Variants in CTNNB1 observed in about 807,000 individuals in gnomAD.
The protein encoded by CTNNB1 is catenin beta-1.
A neutral mutation model predicts 82.5 loss-of-function variants in CTNNB1; 6 were observed. That is an observed-to-expected ratio of 0.07 (90% CI 0.04 to 0.14). CTNNB1 has a LOEUF of 0.14. CTNNB1 is among the 10% of genes least tolerant of loss of function. CTNNB1 has a pLI of 1.00. For synonymous variants in CTNNB1, 312 were observed against 329.7 expected (o/e 0.95, Z 0.58); for missense variants, 529 against 980.4 (o/e 0.54, Z 6.15).
chr3:41,202,140 A>G (rs769787349), intron 1 of CTNNB1, among the ~76,000 whole-genome samples: 1 of 152,250 alleles, frequency 6.6e-6, no homozygotes. Context: ...AATCTCCTGC[A>G]ATAGACTATA....
chr3:41,217,813 G>A (rs559319886), intron 1 of CTNNB1, among the ~76,000 whole-genome samples: 1 of 152,072 alleles, frequency 6.6e-6, no homozygotes, highest in African/African-American at 2.4e-5. Context: ...CCTTTGAAAT[G>A]TTATTTCTTG....
At chr3:41,208,433 C>T (rs564073489) in intron 1 of CTNNB1, among the ~76,000 whole-genome samples, 1 of 152,072 alleles carries the variant, frequency 6.6e-6, no homozygotes, top group Non-Finnish European at 1.5e-5. Flanking sequence ...AATATTTTGT[C>T]TTTTATCTGT....
chr3:41,238,228 G>GTATC, intron 14 of CTNNB1, 152 bp downstream of exon 14: 1 of 714,258 alleles, frequency 1.4e-6, no homozygotes, highest in Non-Finnish European at 2.5e-6. Flanking sequence ...GTCAGCAACA[G>GTATC]TATCTTTAAT....
At position 41,239,986 on chromosome 3, in the gene CTNNB1, C is replaced by CTTTT. The variant is rs1207330730; in HGVS notation, c.*666_*669dup. 0.013 allele frequency: 426 copies of CTTTT among 32,508 alleles called. 17 individuals are homozygous for CTTTT. Among genetic ancestry groups the CTTTT allele is most frequent in the South Asian group, 0.019 (7 of 362 alleles). The allele number at this position is 32,508 out of a possible 1,614,324, so 2.0% of individuals were successfully genotyped here. A position where few individuals can be genotyped will look rare whatever the true frequency, so the allele number is the denominator to read the frequency against. On this transcript the variant is annotated 3_prime_UTR_variant, in exon 15 of 15. Transcript: ENST00000349496. ...TGACTTTGCTTGCTTTGAAGTAGCT[C>CTTTT]TTTTTTTTTTTTTTTTTTTTTTTTT...
intron 1 of CTNNB1, chr3:41,200,363 A>G (rs1434347107): frequency 6.6e-6 from 1 of 152,102 alleles, no homozygotes; most frequent in Non-Finnish European, 1.5e-5. Context: ...TTGCACCTGT[A>G]TTTTAGCGTA....
chr3:41,230,153 G>A (rs983904754), intron 7 of CTNNB1, among the ~76,000 whole-genome samples: 1 of 152,174 alleles, frequency 6.6e-6, no homozygotes, highest in Admixed American at 6.5e-5. Context: ...GATTGCTCCA[G>A]GTAACTACTG....
chr3:41,231,283 C>T (rs563751184), intron 7 of CTNNB1, among the ~76,000 whole-genome samples: 5 of 150,830 alleles, frequency 3.3e-5, no homozygotes, highest in African/African-American at 9.8e-5. Flanking sequence ...GCTGAGATAG[C>T]GCCACTGCAC....
intron 1 of CTNNB1, among the ~76,000 whole-genome samples, chr3:41,211,528 T>C (rs2077785787): frequency 6.6e-6 from 1 of 152,204 alleles, no homozygotes; most frequent in Non-Finnish European, 1.5e-5. Flanking sequence ...GTTCTAACAT[T>C]ACTCCTCCTT....
At position 41,225,083 on chromosome 3, in the gene CTNNB1, G is replaced by A. The variant is rs755204384; in HGVS notation, c.371G>A (p.Arg124His). 3.7e-6 allele frequency: 6 copies of A among 1,614,066 alleles called. No homozygotes were observed. The highest frequency in any genetic ancestry group is 5.1e-6 in the Non-Finnish European group (6 of 1,179,986). ...GCTGCTCATCCCACTAATGTCCAGC[G>A]TTTGGCTGAACCATCACAGATGCTG... ...FDAAHPTNVQ[R>H]LAEPSQMLKH... The change falls in exon 4 of 15, where the codon CGT becomes CAT. Residue 124 changes from arginine to histidine, a missense_variant. By Grantham distance (29) the Arg-to-His change is conservative. This residue lies in a region of CTNNB1 where 411 missense variants were observed against 776.4 expected (regional missense o/e 0.53). Coordinates refer to ENST00000349496, the MANE Select transcript of CTNNB1 (RefSeq NM_001904.4). The surrounding 1 kb of genome is among the most constrained non-coding windows in gnomAD (Gnocchi z 5.3).
chr3:41,230,250 C>T (rs1376236909), intron 7 of CTNNB1, among the ~76,000 whole-genome samples: 1 of 152,082 alleles, frequency 6.6e-6, no homozygotes, highest in Non-Finnish European at 1.5e-5. Flanking sequence ...GTCAGCTGTT[C>T]CAGCAGTAAC....
intron 1 of CTNNB1, among the ~76,000 whole-genome samples, chr3:41,212,402 T>C (rs530844868): frequency 2.1e-4 from 32 of 152,320 alleles, no homozygotes; most frequent in Non-Finnish European, 3.2e-4. Flanking sequence ...GTTCCACTTA[T>C]CACTCTCATC....
chr3:41,215,272 T>C (rs2077888629), intron 1 of CTNNB1, among the ~76,000 whole-genome samples: 1 of 141,512 alleles, frequency 7.1e-6, no homozygotes, highest in Non-Finnish European at 1.5e-5. Context: ...TAATCCCAGC[T>C]ACTCGGGAGG....
At chr3:41,224,139 C>T (rs1022004651) in intron 2 of CTNNB1, 58 bp downstream of exon 2, 60 of 1,597,484 alleles carry the variant, frequency 3.8e-5, no homozygotes, top group Non-Finnish European at 3.6e-5. Flanking sequence ...TGCCATTAAG[C>T]CAGTCTGGCT....
At chr3:41,204,746 C>T (rs2077611329) in intron 1 of CTNNB1, among the ~76,000 whole-genome samples, 1 of 152,204 alleles carries the variant, frequency 6.6e-6, no homozygotes, top group African/African-American at 2.4e-5. Flanking sequence ...AAATTAAATA[C>T]ACTTATTTGC....
chr3:41,228,376 C>T (rs2125630223), intron 7 of CTNNB1, among the ~76,000 whole-genome samples: 1 of 152,306 alleles, frequency 6.6e-6, no homozygotes, highest in African/African-American at 2.4e-5. Context: ...ACCTCACCAG[C>T]ATCTGTCATT....
chr3:41,235,885 A>T (rs920385113), intron 11 of CTNNB1, 42 bp downstream of exon 11: 9 of 1,611,450 alleles, frequency 5.6e-6, no homozygotes, highest in Admixed American at 5.0e-5. Context: ...TGTCCATAAA[A>T]TTTCCAGATT....
intron 1 of CTNNB1, among the ~76,000 whole-genome samples, chr3:41,206,518 T>A (rs544169200): frequency 1.4e-4 from 22 of 152,244 alleles, no homozygotes; most frequent in Non-Finnish European, 2.5e-4. Flanking sequence ...TTGAAGATGA[T>A]CTTAAGTGGT....
intron 13 of CTNNB1, chr3:41,237,082 A>T (rs771278703): frequency 1.7e-5 from 6 of 354,392 alleles, no homozygotes; most frequent in Non-Finnish European, 3.1e-5. Context: ...TTTCTATTTG[A>T]ATTTCTGCTA....
At chr3:41,203,123 G>A (rs1039279209) in intron 1 of CTNNB1, among the ~76,000 whole-genome samples, 1 of 150,340 alleles carries the variant, frequency 6.7e-6, no homozygotes, top group Non-Finnish European at 1.5e-5. Context: ...GCCTGAAGCA[G>A]CAGAGTGAGT....
Sources: gnomAD v4.1 joint callset for allele counts (sites outside exome capture counted in the v4.1 genomes callset) on GRCh38, gnomAD v4.1.1 for gene constraint, gnomAD v4.1.1 regional missense constraint, Gnocchi (gnomAD v3.1) non-coding constraint, MANE v1.5 for transcripts, NCBI Gene and HGNC (gene_info 2026-07-23, HGNC 2026-07-21) for gene names.